LARGE1: variants seen among roughly 807,000 people sequenced by gnomAD.
LARGE1 encodes the protein LARGE xylosyl- and glucuronyltransferase 1, also known as xylosyl- and glucuronyltransferase LARGE1.
In LARGE1, 43 loss-of-function variants were observed where a neutral mutation model predicts 87.6. That is an observed-to-expected ratio of 0.49 (90% confidence interval 0.38 to 0.63). LARGE1 has a LOEUF of 0.63. Ranked by LOEUF, LARGE1 falls within the 30% of genes least tolerant of loss-of-function variation. The pLI is 0.00. For synonymous variants in LARGE1, 434 were observed against 394.6 expected (o/e 1.10, Z -1.18); for missense variants, 802 against 1,000.2 (o/e 0.80, Z 2.67).
intron 2 of LARGE1, among the ~76,000 whole-genome samples, chr22:33,652,131 G>A (rs530258250): frequency 6.6e-6 from 1 of 152,152 alleles, no homozygotes; most frequent in African/African-American, 2.4e-5. Flanking sequence ...AGCCGAGATT[G>A]CACCACTGCA....
chr22:33,348,883 C>T (rs1006955917), intron 9 of LARGE1, among the ~76,000 whole-genome samples: 2 of 151,930 alleles, frequency 1.3e-5, no homozygotes, highest in Admixed American at 6.6e-5. Context: ...ATTTAGTCAT[C>T]GGGGTGGGTT....
At chr22:33,341,613 A>G (rs1028210412) in intron 9 of LARGE1, among the ~76,000 whole-genome samples, 7 of 152,134 alleles carry the variant, frequency 4.6e-5, no homozygotes, top group Admixed American at 6.6e-5. Flanking sequence ...GGGGAAACCT[A>G]TTTGGTCCAA....
chr22:33,392,368 G>T (rs1482990784), intron 7 of LARGE1, among the ~76,000 whole-genome samples: 1 of 152,066 alleles, frequency 6.6e-6, no homozygotes, highest in African/African-American at 2.4e-5. Context: ...GAACAAAAAA[G>T]AAAATGGGGG....
intron 1 of LARGE1, among the ~76,000 whole-genome samples, chr22:33,869,899 A>T (rs1179722419): frequency 6.6e-6 from 1 of 152,216 alleles, no homozygotes; most frequent in Non-Finnish European, 1.5e-5. Flanking sequence ...GAAACCGCTG[A>T]TGTTGAAGGC....
At chr22:33,527,633 C>G (rs1231587087) in intron 6 of LARGE1, among the ~76,000 whole-genome samples, 5 of 152,164 alleles carry the variant, frequency 3.3e-5, no homozygotes, top group African/African-American at 1.2e-4. Context: ...CTGAGGTTCT[C>G]TGGCTCCTCT....
At chr22:33,210,401 G>T (rs1924900564) in intron 11 of LARGE1, among the ~76,000 whole-genome samples, 1 of 152,244 alleles carries the variant, frequency 6.6e-6, no homozygotes, top group Non-Finnish European at 1.5e-5. Context: ...GACACCGGCG[G>T]AACCTGGTCT....
At chr22:33,578,633 A>G (rs780909754) in intron 5 of LARGE1, among the ~76,000 whole-genome samples, 13 of 152,234 alleles carry the variant, frequency 8.5e-5, no homozygotes, top group Non-Finnish European at 1.9e-4. Context: ...GTAGACATCA[A>G]GGAAATCACC....
intron 11 of LARGE1, among the ~76,000 whole-genome samples, chr22:33,261,127 T>C (rs553576982): frequency 6.6e-6 from 1 of 152,334 alleles, no homozygotes; most frequent in South Asian, 2.1e-4. Context: ...TGCTCGCCTG[T>C]GTGCCAAAGG....
chr22:33,893,978 A>G (rs1439805188), intron 1 of LARGE1, among the ~76,000 whole-genome samples: 1 of 152,174 alleles, frequency 6.6e-6, no homozygotes, highest in African/African-American at 2.4e-5. Context: ...TCGATTCCAC[A>G]GGAAAAGCAT....
chr22:33,103,638 T>C, the LARGE1 span, among the ~76,000 whole-genome samples: 26 of 152,170 alleles, frequency 1.7e-4, no homozygotes, highest in African/African-American at 4.6e-4. Context: ...GGGTGTCCTA[T>C]AGGAGGTAAG....
downstream of LARGE1, among the ~76,000 whole-genome samples, chr22:33,159,681 T>G (rs1921962739): frequency 6.6e-6 from 1 of 151,196 alleles, no homozygotes; most frequent in Non-Finnish European, 1.5e-5. Flanking sequence ...GCCTCCCGGG[T>G]TCACGCCATT....
intron 1 of LARGE1, among the ~76,000 whole-genome samples, chr22:33,909,787 C>T (rs1453840902): frequency 6.6e-6 from 1 of 152,192 alleles, no homozygotes; most frequent in Admixed American, 6.5e-5. Flanking sequence ...ATTCGCCCGC[C>T]TCAGCCTCCC....
At chr22:33,213,775 T>C (rs577430363) in intron 11 of LARGE1, among the ~76,000 whole-genome samples, 1 of 152,370 alleles carries the variant, frequency 6.6e-6, no homozygotes, top group East Asian at 1.9e-4. Flanking sequence ...TACTTTTATA[T>C]GTACTGGGAA....
chr22:33,663,327 G>A (rs2081183906), intron 2 of LARGE1, among the ~76,000 whole-genome samples: 1 of 152,064 alleles, frequency 6.6e-6, no homozygotes, highest in African/African-American at 2.4e-5. Context: ...TGACGGACGG[G>A]TATTTTCTTC....
At chr22:33,784,527 G>A (rs959805667) in intron 1 of LARGE1, among the ~76,000 whole-genome samples, 1 of 152,068 alleles carries the variant, frequency 6.6e-6, no homozygotes, top group Non-Finnish European at 1.5e-5. Flanking sequence ...AAAAATGGAA[G>A]GTAAGGATTT....
chr22:33,333,012 C>CTTTTTTTTTTT (rs1937935418), intron 10 of LARGE1, among the ~76,000 whole-genome samples: 1 of 136,188 alleles, frequency 7.3e-6, no homozygotes, highest in African/African-American at 3.6e-5. Context: ...GGGGCAATGT[C>CTTTTTTTTTTT]CTTTTTTTTT....
At chr22:33,905,803 T>G (rs996713701) in intron 1 of LARGE1, among the ~76,000 whole-genome samples, 3 of 152,144 alleles carry the variant, frequency 2.0e-5, no homozygotes, top group African/African-American at 7.2e-5. Flanking sequence ...AGAATAAGAC[T>G]AGTTCTGGCT....
chr22:33,893,123 G>A (rs1573662), intron 1 of LARGE1, among the ~76,000 whole-genome samples: 9,547 of 152,258 alleles, frequency 0.063, 876 homozygotes, highest in African/African-American at 0.2. Flanking sequence ...AGGAGGAAAG[G>A]ACTCGGTTTA....
At chr22:33,715,052 C>A (rs2082869171) in intron 2 of LARGE1, among the ~76,000 whole-genome samples, 1 of 152,206 alleles carries the variant, frequency 6.6e-6, no homozygotes, top group South Asian at 2.1e-4. Flanking sequence ...GGAGGCTTCA[C>A]TTCCACCATC....
Sources: gnomAD v4.1 joint callset for allele counts (sites outside exome capture counted in the v4.1 genomes callset) on GRCh38, gnomAD v4.1.1 for gene constraint, MANE v1.5 for transcripts, NCBI Gene and HGNC (gene_info 2026-07-23, HGNC 2026-07-21) for gene names.